The following DLGAP1 variants were observed in gnomAD, a reference collection of about 807,000 sequenced individuals.
DLGAP1 encodes DLG associated protein 1.
A neutral mutation model predicts 90.8 loss-of-function variants in DLGAP1; 11 were observed. That is an observed-to-expected ratio of 0.12 (90% CI 0.08 to 0.20). The LOEUF (loss-of-function observed/expected upper bound fraction) is 0.20, where lower values mean the gene tolerates loss of function less well. Ranked by LOEUF, DLGAP1 falls within the 10% of genes least tolerant of loss-of-function variation. The pLI is 1.00. For missense variants in DLGAP1, 1,050 were observed against 1,333.8 expected (o/e 0.79, Z 3.31); for synonymous variants, 558 against 540.7 (o/e 1.03, Z -0.44).
At chr18:4,161,825 G>C (rs2076851034) in intron 1 of DLGAP1, among the ~76,000 whole-genome samples, 1 of 152,164 alleles carries the variant, frequency 6.6e-6, no homozygotes, top group Non-Finnish European at 1.5e-5. Flanking sequence ...GTTGATGGAA[G>C]TTTATCATGC....
At chr18:4,429,199 G>A (rs1159683675) in intron 1 of DLGAP1, among the ~76,000 whole-genome samples, 2 of 152,140 alleles carry the variant, frequency 1.3e-5, no homozygotes, top group Non-Finnish European at 2.9e-5. Context: ...CTTCCAGGAT[G>A]AGTTAGAACA....
rs75186052 is a variant in DLGAP1, at chr18:3,846,229, A to G, written c.958-31956T>C. 5.3e-3 allele frequency among the ~76,000 whole-genome samples: 812 copies of G among 152,326 alleles called. 3 individuals carry two copies. The highest frequency in any genetic ancestry group is 7.2e-3 in the Non-Finnish European group (489 of 68,018). On this transcript the variant is annotated intron_variant, in intron 4 of 12. Transcript: ENST00000315677. ...TCAGCAAGATCACTTTTAGGTTATC[A>G]ATAGACAAGGACAATACAATTTCAG...
At position 3,594,498 on chromosome 18, in the gene DLGAP1, T is replaced by C. The variant is rs539950777; in HGVS notation, c.1592-12250A>G. On this transcript the variant is annotated intron_variant, in intron 7 of 12. Transcript: ENST00000315677. ...ATCAGCTACGAGGTAAGTCGCTCTTTGGAAGGGGTGGAGGTCTTTGCTGGA... is the reference window on the plus strand; with the variant it reads ...ATCAGCTACGAGGTAAGTCGCTCTTCGGAAGGGGTGGAGGTCTTTGCTGGA... The C allele has an allele frequency of 2.6e-5, 4 of 152,270 alleles. No individual in the cohort carries two copies. The East Asian group carries it at 5.8e-4, about 22-fold the overall frequency. The allele number at this position is 152,270 out of a possible 1,614,324, so 9.4% of individuals were successfully genotyped here. A position where few individuals can be genotyped will look rare whatever the true frequency, so the allele number is the denominator to read the frequency against.
chr18:4,368,561 A>T (rs1444692011), intron 1 of DLGAP1, among the ~76,000 whole-genome samples: 1 of 151,330 alleles, frequency 6.6e-6, no homozygotes, highest in Non-Finnish European at 1.5e-5. Context: ...TGCCTACTTG[A>T]CCTTGCAGAT....
chr18:3,577,156 T>A (rs377504697), intron 8 of DLGAP1, among the ~76,000 whole-genome samples: 12 of 152,266 alleles, frequency 7.9e-5, no homozygotes, highest in African/African-American at 2.9e-4. Context: ...CCACCGTGCC[T>A]GGCCCTTCAG....
At chr18:3,872,491 C>T (rs1299917031) in intron 4 of DLGAP1, among the ~76,000 whole-genome samples, 7 of 151,882 alleles carry the variant, frequency 4.6e-5, no homozygotes, top group African/African-American at 1.7e-4. Flanking sequence ...TATGAATTTA[C>T]CAAAATAATG....
At chr18:3,883,184 C>T (rs1395583723) in intron 3 of DLGAP1, among the ~76,000 whole-genome samples, 6 of 152,158 alleles carry the variant, frequency 3.9e-5, no homozygotes, top group African/African-American at 9.7e-5. Context: ...GCGGAGGTTG[C>T]GGCAAGCCGA....
At chr18:3,588,044 G>A (rs1011527809) in intron 7 of DLGAP1, among the ~76,000 whole-genome samples, 3 of 152,208 alleles carry the variant, frequency 2.0e-5, no homozygotes, top group African/African-American at 7.2e-5. Flanking sequence ...CTGGCTGAAA[G>A]GACTCTTATC....
At chr18:4,132,243 A>G (rs1420083423) in intron 2 of DLGAP1, among the ~76,000 whole-genome samples, 1 of 152,146 alleles carries the variant, frequency 6.6e-6, no homozygotes, top group African/African-American at 2.4e-5. Flanking sequence ...TAAGCCATAT[A>G]TCTACTTTTA....
chr18:3,935,043 T>G (rs1000640655), intron 3 of DLGAP1, among the ~76,000 whole-genome samples: 6 of 152,240 alleles, frequency 3.9e-5, no homozygotes, highest in Non-Finnish European at 7.3e-5. Flanking sequence ...ATCCGCCTAA[T>G]GAAGTTTCTG....
chr18:3,546,675 T>C (rs927534231), intron 9 of DLGAP1, among the ~76,000 whole-genome samples: 13 of 150,418 alleles, frequency 8.6e-5, no homozygotes, highest in East Asian at 2.0e-4. Flanking sequence ...AAAAGGAAAA[T>C]AGAAAGTATT....
intron 5 of DLGAP1, among the ~76,000 whole-genome samples, chr18:3,799,243 A>G (rs895808260): frequency 6.6e-6 from 1 of 152,204 alleles, no homozygotes; most frequent in South Asian, 2.1e-4. Flanking sequence ...GCAAATTTGT[A>G]AAGTCCAGAT....
chr18:4,337,099 G>A (rs2081085166), intron 1 of DLGAP1, among the ~76,000 whole-genome samples: 1 of 147,084 alleles, frequency 6.8e-6, no homozygotes, highest in Admixed American at 6.8e-5. Flanking sequence ...GGGCGACAGA[G>A]TGAGACTCCA....
intron 4 of DLGAP1, among the ~76,000 whole-genome samples, chr18:3,831,199 A>C (rs955267757): frequency 1.3e-5 from 2 of 151,782 alleles, no homozygotes; most frequent in African/African-American, 4.8e-5. Flanking sequence ...CAAGGCCACA[A>C]CCCCCAGCAG....
intron 1 of DLGAP1, among the ~76,000 whole-genome samples, chr18:4,265,103 T>TTTCCTTCCTTCCTTCC (rs150589333): frequency 9.1e-4 from 127 of 139,698 alleles, no homozygotes; most frequent in African/African-American, 3.4e-3. Flanking sequence ...TAATGTAATT[T>TTTCCTTCCTTCCTTCC]TTCCTTCCTT....
chr18:3,652,280 G>A (rs141155953), intron 7 of DLGAP1, among the ~76,000 whole-genome samples: 1 of 152,206 alleles, frequency 6.6e-6, no homozygotes, highest in East Asian at 1.9e-4. Context: ...TCCCTTTGGG[G>A]TGTTTTTGGA....
rs1316879698 is a variant in DLGAP1 at position 4,022,899 on chromosome 18, A to T, written c.-158-17698T>A. Among the ~76,000 whole-genome samples, 2 of 130,252 alleles carry T rather than the reference A, an allele frequency of 1.5e-5. 1 individual carries two copies. Among genetic ancestry groups the T allele is most frequent in the Non-Finnish European group, 3.4e-5 (2 of 58,476 alleles). 85.5% of individuals were successfully genotyped at this position (130,252 alleles called of 152,430 possible). ...GTCAATCTGATGATTATAGACTGAC[A>T]CTTTATCAATGATTTAATTAGTATT... On this transcript the variant is annotated intron_variant, in intron 2 of 12. Coordinates refer to ENST00000315677, the MANE Select transcript of DLGAP1 (RefSeq NM_004746.4).
chr18:3,880,169 G>A (rs1363999335), intron 3 of DLGAP1, 29 bp from the exon 4 acceptor site: 19 of 1,074,466 alleles, frequency 1.8e-5, no homozygotes, highest in Non-Finnish European at 2.6e-5. Context: ...GGGCAAAGTC[G>A]TTAACATTTC....
intron 7 of DLGAP1, among the ~76,000 whole-genome samples, chr18:3,595,244 C>A (rs1260795442): frequency 6.6e-6 from 1 of 152,178 alleles, no homozygotes; most frequent in Non-Finnish European, 1.5e-5. Context: ...GGGTTCAGAT[C>A]AAAGTAACTG....
Sources: gnomAD v4.1 joint callset for allele counts (sites outside exome capture counted in the v4.1 genomes callset) on GRCh38, gnomAD v4.1.1 for gene constraint, MANE v1.5 for transcripts, NCBI Gene and HGNC (gene_info 2026-07-23, HGNC 2026-07-21) for gene names.